The following CSGALNACT1 variants were observed in gnomAD, a reference collection of about 807,000 sequenced individuals.
CSGALNACT1 encodes the protein chondroitin sulfate N-acetylgalactosaminyltransferase 1.
In CSGALNACT1, 52 loss-of-function variants were observed where a neutral mutation model predicts 51.0. That is an observed-to-expected ratio of 1.02 (90% CI 0.82 to 1.29). The LOEUF is 1.29. CSGALNACT1 is among the 50% of genes most tolerant of loss of function. CSGALNACT1 has a pLI of 0.00. For synonymous variants in CSGALNACT1, 341 were observed against 254.4 expected (o/e 1.34, Z -3.24); for missense variants, 935 against 679.2 (o/e 1.38, Z -4.19).
chr8:19,534,797 C>A (rs2083433428), intron 3 of CSGALNACT1, among the ~76,000 whole-genome samples: 1 of 152,190 alleles, frequency 6.6e-6, no homozygotes, highest in Non-Finnish European at 1.5e-5. Context: ...TCGTCATAAG[C>A]AGTTTGTTAG....
At chr8:19,459,778 A>G (rs926142829) in intron 4 of CSGALNACT1, among the ~76,000 whole-genome samples, 18 of 152,326 alleles carry the variant, frequency 1.2e-4, no homozygotes, top group Middle Eastern at 3.4e-3. Flanking sequence ...GAACAGTACA[A>G]GGCATGCAAT....
intron 3 of CSGALNACT1, among the ~76,000 whole-genome samples, chr8:19,541,955 T>C (rs1374555377): frequency 6.6e-6 from 1 of 152,096 alleles, no homozygotes; most frequent in Non-Finnish European, 1.5e-5. Context: ...ACAGAAAAGG[T>C]CTTCAGTTAT....
chr8:19,651,360 G>A (rs374123865), intron 1 of CSGALNACT1, among the ~76,000 whole-genome samples: 19 of 151,912 alleles, frequency 1.3e-4, no homozygotes, highest in East Asian at 7.7e-4. Context: ...AGATTATTTC[G>A]TCACCAAGGT....
At chr8:19,456,917 T>G (rs2064225965) in intron 5 of CSGALNACT1, among the ~76,000 whole-genome samples, 1 of 152,204 alleles carries the variant, frequency 6.6e-6, no homozygotes, top group African/African-American at 2.4e-5. Flanking sequence ...AAACTTATGA[T>G]GTTTAAGAAG....
intron 1 of CSGALNACT1, among the ~76,000 whole-genome samples, chr8:19,612,081 G>A (rs1261233107): frequency 6.6e-6 from 1 of 152,028 alleles, no homozygotes; most frequent in Non-Finnish European, 1.5e-5. Context: ...AGTGGTTCAC[G>A]CCTATAATCC....
chr8:19,755,480 A>AAAAAAAAAAAAAAAAAAAAAC (rs2065308904), intron 1 of CSGALNACT1, among the ~76,000 whole-genome samples: 1 of 143,888 alleles, frequency 6.9e-6, no homozygotes, highest in Non-Finnish European at 1.5e-5. Flanking sequence ...AAAAAAAAAA[A>AAAAAAAAAAAAAAAAAAAAAC]AGACAACATT....
intron 4 of CSGALNACT1, among the ~76,000 whole-genome samples, chr8:19,461,714 C>T (rs1243906370): frequency 6.6e-6 from 1 of 151,792 alleles, no homozygotes; most frequent in Non-Finnish European, 1.5e-5. Context: ...ACAGCACACA[C>T]ATTCACCATG....
At chr8:19,499,582 T>A (rs1488916337) in intron 4 of CSGALNACT1, among the ~76,000 whole-genome samples, 2 of 152,204 alleles carry the variant, frequency 1.3e-5, no homozygotes, top group Non-Finnish European at 2.9e-5. Flanking sequence ...GCTTCTGCAA[T>A]TGCAACAAAA....
intron 1 of CSGALNACT1, among the ~76,000 whole-genome samples, chr8:19,634,972 C>T (rs2055828134): frequency 6.6e-6 from 1 of 152,186 alleles, no homozygotes; most frequent in Non-Finnish European, 1.5e-5. Context: ...CCATCTGAGT[C>T]AGGACTCTGT....
At position 19,637,891 on chromosome 8, in the gene CSGALNACT1, A is replaced by T. The variant is rs933775679; in HGVS notation, c.-543-36026T>A. On this transcript the variant is annotated intron_variant, in intron 1 of 9. Coordinates refer to the CSGALNACT1 transcript ENST00000332246. ...TAGAAGAAGTGAGTGCCCAGCGCTG[A>T]TATTAGTTGAGGTTAGCCACAGGAT... 2.0e-5 allele frequency among the ~76,000 whole-genome samples: 3 copies of T among 149,396 alleles called. No individual in the cohort carries two copies. In the South Asian group the frequency reaches 6.3e-4, roughly 32 times the overall value.
chr8:19,554,544 A>T (rs182041047), intron 3 of CSGALNACT1, among the ~76,000 whole-genome samples: 1 of 152,298 alleles, frequency 6.6e-6, no homozygotes, highest in East Asian at 1.9e-4. Flanking sequence ...ATATTGAGCA[A>T]ACTGACAGTT....
At chr8:19,626,417 C>T (rs1013385101) in intron 1 of CSGALNACT1, among the ~76,000 whole-genome samples, 1 of 152,098 alleles carries the variant, frequency 6.6e-6, no homozygotes, top group Non-Finnish European at 1.5e-5. Flanking sequence ...ATCTAAACCA[C>T]ACCTTTAACA....
chr8:19,574,561 T>C (rs1687065572), intron 3 of CSGALNACT1, among the ~76,000 whole-genome samples: 1 of 151,984 alleles, frequency 6.6e-6, no homozygotes, highest in Non-Finnish European at 1.5e-5. Context: ...CAGCCACACA[T>C]ATGGTGTGGA....
intron 1 of CSGALNACT1, among the ~76,000 whole-genome samples, chr8:19,711,559 T>C (rs1408386548): frequency 6.6e-6 from 1 of 152,218 alleles, no homozygotes; most frequent in Non-Finnish European, 1.5e-5. Context: ...TAAATCAGCA[T>C]TATTATCCAT....
intron 6 of CSGALNACT1, among the ~76,000 whole-genome samples, chr8:19,429,760 G>A (rs138265663): frequency 3.5e-4 from 53 of 152,308 alleles, no homozygotes; most frequent in South Asian, 1.2e-3. Flanking sequence ...GAACTGCTGA[G>A]TCAGATAATA....
At chr8:19,483,367 C>G (rs1332006164) in intron 4 of CSGALNACT1, among the ~76,000 whole-genome samples, 5 of 152,180 alleles carry the variant, frequency 3.3e-5, no homozygotes, top group African/African-American at 1.2e-4. Flanking sequence ...TCAGTGATAT[C>G]CCCAAGTTTC....
intron 4 of CSGALNACT1, among the ~76,000 whole-genome samples, chr8:19,465,564 G>A (rs1425738953): frequency 6.6e-6 from 1 of 152,200 alleles, no homozygotes; most frequent in Non-Finnish European, 1.5e-5. Flanking sequence ...CACAGACACA[G>A]CCCATGCACA....
chr8:19,460,708 T>C (rs1289044248), intron 4 of CSGALNACT1, among the ~76,000 whole-genome samples: 2 of 152,186 alleles, frequency 1.3e-5, no homozygotes, highest in Non-Finnish European at 2.9e-5. Context: ...CTAGAGTCAG[T>C]TACAGTTTCT....
chr8:19,731,486 C>T lies in CSGALNACT1; in HGVS notation c.-297+26364G>A, dbSNP rs574557500. On this transcript the variant is annotated intron_variant, in intron 1 of 1. Coordinates refer to the CSGALNACT1 transcript ENST00000517494. ...TTACACCACTGCATTCTAGCCTGGA[C>T]GAGAGCGAGACTCCATCTCAAATAA... is the stretch of plus-strand genomic sequence containing the variant. 3.9e-5 allele frequency among the ~76,000 whole-genome samples: 6 copies of T among 152,214 alleles called. No homozygotes were observed. The South Asian group carries it at 6.2e-4, about 16-fold the overall frequency.
Sources: gnomAD v4.1 joint callset for allele counts (sites outside exome capture counted in the v4.1 genomes callset) on GRCh38, gnomAD v4.1.1 for gene constraint, MANE v1.5 for transcripts, NCBI Gene and HGNC (gene_info 2026-07-23, HGNC 2026-07-21) for gene names.